PDE7B: variants seen among roughly 807,000 people sequenced by gnomAD.
The protein encoded by PDE7B is phosphodiesterase 7B, also known as 3',5'-cyclic-AMP phosphodiesterase 7B.
A neutral mutation model predicts 56.2 loss-of-function variants in PDE7B; 29 were observed. The ratio of observed to expected loss-of-function variants is 0.52; its 90% CI spans 0.38 to 0.70. The LOEUF is 0.70. PDE7B is among the 30% of genes least tolerant of loss of function. The pLI, the probability that PDE7B is intolerant of heterozygous loss-of-function variation, is 0.00. For synonymous variants in PDE7B, 197 were observed against 196.9 expected (o/e 1.00, Z 0.00); for missense variants, 490 against 565.0 (o/e 0.87, Z 1.35).
chr6:136,141,939 T>A (rs1778333926), intron 3 of PDE7B, among the ~76,000 whole-genome samples: 1 of 116,014 alleles, frequency 8.6e-6, no homozygotes, highest in Non-Finnish European at 1.7e-5. Flanking sequence ...TGAAGGGTTT[T>A]TTGTATCTGT....
rs1189906151 is a variant in PDE7B at position 135,914,790 on chromosome 6, T to C, written c.22-32674T>C. 2.1e-5 allele frequency among the ~76,000 whole-genome samples: 3 copies of C among 143,418 alleles called. 1 individual carries two copies. Among genetic ancestry groups the C allele is most frequent in the African/African-American group, 7.5e-5 (3 of 40,000 alleles). 94.1% of individuals were successfully genotyped at this position (143,418 alleles called of 152,430 possible). Reference sequence around the variant, plus strand: ...AGGCGTGAGCCACCGCGCCCGGCTATAATGCTTTTAAGACTCATTCCTGGC... The same window carrying C: ...AGGCGTGAGCCACCGCGCCCGGCTACAATGCTTTTAAGACTCATTCCTGGC... On this transcript the variant is annotated intron_variant, in intron 1 of 12. Transcript: ENST00000308191.
chr6:135,917,381 A>C (rs968375358), intron 1 of PDE7B, among the ~76,000 whole-genome samples: 1 of 152,056 alleles, frequency 6.6e-6, no homozygotes, highest in African/African-American at 2.4e-5. Flanking sequence ...TCTGCTGTTA[A>C]GCCCTACCCA....
intron 2 of PDE7B, among the ~76,000 whole-genome samples, chr6:136,108,439 C>T (rs1777689273): frequency 1.3e-5 from 2 of 151,764 alleles, no homozygotes; most frequent in Non-Finnish European, 2.9e-5. Flanking sequence ...TCTCTGTGGC[C>T]CTGGGAAGCA....
At chr6:135,902,331 GTTT>G (rs66648278) in intron 1 of PDE7B, among the ~76,000 whole-genome samples, 14 of 147,698 alleles carry the variant, frequency 9.5e-5, no homozygotes, top group Admixed American at 9.5e-4. Context: ...TTATGTGAAG[GTTT>G]TTTTTTTTTT....
At chr6:136,176,066 A>G (rs1562514029) in intron 9 of PDE7B, among the ~76,000 whole-genome samples, 1 of 152,010 alleles carries the variant, frequency 6.6e-6, no homozygotes, top group Non-Finnish European at 1.5e-5. Context: ...AATTTTTCGT[A>G]TATTTGCTGA....
chr6:135,970,999 A>C (rs963282952), intron 2 of PDE7B, among the ~76,000 whole-genome samples: 2 of 152,138 alleles, frequency 1.3e-5, no homozygotes, highest in African/African-American at 4.8e-5. Flanking sequence ...ATGGCATGGC[A>C]GCAGAGCAGG....
At chr6:136,153,454 G>C (rs1778557750) in intron 6 of PDE7B, among the ~76,000 whole-genome samples, 1 of 152,152 alleles carries the variant, frequency 6.6e-6, no homozygotes, top group African/African-American at 2.4e-5. Context: ...GTCTCTACTT[G>C]GTTCCAAGAG....
intron 1 of PDE7B, among the ~76,000 whole-genome samples, chr6:135,877,551 G>A (rs372881367): frequency 6.6e-6 from 1 of 152,030 alleles, no homozygotes; most frequent in African/African-American, 2.4e-5. Flanking sequence ...GCAGCCCAGG[G>A]TCATGCTAAT....
intron 3 of PDE7B, among the ~76,000 whole-genome samples, chr6:136,118,944 G>A (rs1488587910): frequency 2.0e-5 from 3 of 152,068 alleles, no homozygotes; most frequent in Admixed American, 1.3e-4. Flanking sequence ...TGCCACTCTG[G>A]TGGAAGACGC....
intron 1 of PDE7B, among the ~76,000 whole-genome samples, chr6:135,879,735 C>G (rs747187036): frequency 7.9e-5 from 12 of 152,068 alleles, no homozygotes; most frequent in Non-Finnish European, 1.8e-4. Context: ...GATATGAAGA[C>G]CAGACAAAAC....
intron 3 of PDE7B, among the ~76,000 whole-genome samples, chr6:136,119,669 A>G (rs969355308): frequency 6.6e-6 from 1 of 152,220 alleles, no homozygotes; most frequent in Non-Finnish European, 1.5e-5. Flanking sequence ...AAGCTTTTAA[A>G]TGAAGACACT....
At chr6:136,065,529 C>T (rs531030879) in intron 2 of PDE7B, among the ~76,000 whole-genome samples, 1 of 152,292 alleles carries the variant, frequency 6.6e-6, no homozygotes, top group East Asian at 1.9e-4. Flanking sequence ...AGGAATATTG[C>T]TGCTTTAACT....
intron 2 of PDE7B, among the ~76,000 whole-genome samples, chr6:136,070,590 G>C (rs933762250): frequency 6.6e-6 from 1 of 152,016 alleles, no homozygotes; most frequent in Admixed American, 6.6e-5. Context: ...GATCCAGATA[G>C]AATAGCATTT....
intron 1 of PDE7B, among the ~76,000 whole-genome samples, chr6:135,883,469 T>C (rs1775647326): frequency 6.6e-6 from 1 of 152,202 alleles, no homozygotes; most frequent in East Asian, 1.9e-4. Flanking sequence ...GAAAGTAAAT[T>C]TCTATGAAAA....
At chr6:136,159,707 C>T (rs1464467809) in intron 8 of PDE7B, among the ~76,000 whole-genome samples, 1 of 152,190 alleles carries the variant, frequency 6.6e-6, no homozygotes, top group Non-Finnish European at 1.5e-5. Flanking sequence ...AAAACACAGA[C>T]AATGTTCCTG....
chr6:135,919,193 A>G (rs1350108802), intron 1 of PDE7B, among the ~76,000 whole-genome samples: 2 of 152,178 alleles, frequency 1.3e-5, no homozygotes, highest in Non-Finnish European at 2.9e-5. Context: ...AGCCAAGCCA[A>G]TCTTTCCACT....
intron 2 of PDE7B, chr6:136,072,569 G>A (rs939989090): frequency 6.6e-6 from 1 of 152,210 alleles, no homozygotes; most frequent in African/African-American, 2.4e-5. Flanking sequence ...TTTAAGACAA[G>A]CTTTGCAGAG....
intron 1 of PDE7B, among the ~76,000 whole-genome samples, chr6:135,872,106 T>G (rs1436332569): frequency 6.6e-6 from 1 of 152,208 alleles, no homozygotes; most frequent in Non-Finnish European, 1.5e-5. Context: ...CAGTGAGTTG[T>G]CAAAAATGAT....
At chr6:135,987,841 A>G (rs772915869) in intron 2 of PDE7B, among the ~76,000 whole-genome samples, 1 of 141,322 alleles carries the variant, frequency 7.1e-6, no homozygotes, top group African/African-American at 3.1e-5. Flanking sequence ...ACACACACAC[A>G]TACACACACA....
Sources: gnomAD v4.1 joint callset for allele counts (sites outside exome capture counted in the v4.1 genomes callset) on GRCh38, gnomAD v4.1.1 for gene constraint, MANE v1.5 for transcripts, NCBI Gene and HGNC (gene_info 2026-07-23, HGNC 2026-07-21) for gene names.